Variants in DNAH10 observed in about 807,000 individuals in gnomAD.
DNAH10 encodes axonemal beta dynein heavy chain 10.
Under a neutral mutation model 506.6 loss-of-function variants are expected in DNAH10, and 348 were observed. That is an observed-to-expected ratio of 0.69 (90% CI 0.63 to 0.75). DNAH10 has a LOEUF of 0.75. DNAH10 is among the 30% of genes least tolerant of loss of function. The pLI is 0.00. For synonymous variants in DNAH10, 2,059 were observed against 2,198.6 expected (o/e 0.94, Z 1.78); for missense variants, 5,179 against 5,787.1 (o/e 0.89, Z 3.41).
At chr12:123,825,510 G>T (rs1256114099) in intron 24 of DNAH10, among the ~76,000 whole-genome samples, 1 of 152,208 alleles carries the variant, frequency 6.6e-6, no homozygotes. Flanking sequence ...GCGACTCTCA[G>T]AATCGTCATG....
chr12:123,771,673 A>T lies in DNAH10; in HGVS notation c.371A>T (p.Glu124Val). The change falls in exon 3 of 79, where the codon GAG (glutamate) becomes GTG (valine). Residue 124 changes from glutamate to valine, a missense_variant. By Grantham distance (121) the Glu-to-Val change is moderately radical (BLOSUM62 -2). This residue lies in a region of DNAH10 where 326 missense variants were observed against 330.8 expected (regional missense o/e 0.99). Transcript: ENST00000673944. ...LNREDEEMDK[E>V]ISEKLPSKRT... is the part of the protein sequence containing the mutation. Reference sequence around the variant, plus strand: ...AGAGAGGATGAAGAAATGGACAAAGAGATTTCAGAAAAACTCCCTTCCAAA... The same window carrying T: ...AGAGAGGATGAAGAAATGGACAAAGTGATTTCAGAAAAACTCCCTTCCAAA... 1 of 1,612,756 alleles carries T rather than the reference A, an allele frequency of 6.2e-7. No homozygotes were observed. The highest frequency in any genetic ancestry group is 8.5e-7 in the Non-Finnish European group (1 of 1,179,448).
At chr12:123,780,040 A>G (rs1202077076) in intron 5 of DNAH10, among the ~76,000 whole-genome samples, 2 of 152,236 alleles carry the variant, frequency 1.3e-5, no homozygotes, top group East Asian at 3.9e-4. Context: ...CATTTTGAAG[A>G]AACTATGTCC....
chr12:123,880,339 T>A (rs1003080887), intron 50 of DNAH10, among the ~76,000 whole-genome samples: 2 of 151,992 alleles, frequency 1.3e-5, no homozygotes, highest in Non-Finnish European at 2.9e-5. Flanking sequence ...AAGACATTAT[T>A]TATTTATTTA....
rs535744707 is a variant in DNAH10, at chr12:123,903,030, G to A, written c.9732G>A (p.Thr3244=). 229 of 1,608,030 alleles carry A rather than the reference G, an allele frequency of 1.4e-4. No homozygotes were observed. Among genetic ancestry groups the A allele is most frequent in the East Asian group, 2.9e-4 (13 of 44,602 alleles). Residue 3244 remains threonine, a synonymous_variant, in exon 57 of 79, where the codon ACG becomes ACA. Coordinates refer to ENST00000673944, the MANE Select transcript of DNAH10 (RefSeq NM_001372106.1). The surrounding 1 kb of genome is among the most constrained non-coding windows in gnomAD (Gnocchi z 4.6). Reference sequence around the variant, plus strand: ...CCATGGAGAAGGCCGAGGCCGAGACGACCCTGGCAGAGGTCATGCCCATCC... The same window carrying A: ...CCATGGAGAAGGCCGAGGCCGAGACAACCCTGGCAGAGGTCATGCCCATCC... ...VIAMEKAEAE[T]TLAEVMPILE... is the part of the protein sequence containing the mutation.
chr12:123,795,013 G>C (rs1958223093), intron 12 of DNAH10, among the ~76,000 whole-genome samples: 1 of 151,628 alleles, frequency 6.6e-6, no homozygotes, highest in Non-Finnish European at 1.5e-5. Context: ...GCCAGGCGTG[G>C]TGGTGGTGTC....
chr12:123,880,779 T>A (rs1268837855), intron 50 of DNAH10, among the ~76,000 whole-genome samples: 1 of 150,690 alleles, frequency 6.6e-6, no homozygotes, highest in Non-Finnish European at 1.5e-5. Context: ...TAGGTGTATC[T>A]CCTAATGCTA....
rs1461377781 is a variant in DNAH10, at chr12:123,894,818, T to C, written c.9280+95T>C. The C allele has an allele frequency of 7.8e-6, 9 of 1,153,052 alleles. No homozygotes were observed. In the East Asian group the frequency reaches 2.2e-4, roughly 28 times the overall value. 71.4% of individuals were successfully genotyped at this position (1,153,052 alleles called of 1,614,324 possible). On this transcript the variant is annotated intron_variant, in intron 54 of 78. Transcript: ENST00000673944. ...TTGAATTCTGGTCTTGTAGATTTCTTCACTGGAAAACCCTATGGTAACAAA... is the reference window on the plus strand; with the variant it reads ...TTGAATTCTGGTCTTGTAGATTTCTCCACTGGAAAACCCTATGGTAACAAA...
Position 123,850,880 on chromosome 12 carries a change from C to CA in DNAH10, c.6103-8_6103-7insA, listed in dbSNP as rs747754847. ...CTGCTTCTTTCTTTCTTCCTTCTTG[C>CA]CCTCCAGTTTGAAGGGCAGGAGATT... On this transcript the variant is annotated splice_region_variant and splice_polypyrimidine_tract_variant and intron_variant, in intron 34 of 78. Transcript: ENST00000673944. This position sits in a 1 kb window ranked among gnomAD's most constrained non-coding sequence, Gnocchi z 5.5. 2.5e-6 allele frequency: 4 copies of CA among 1,600,942 alleles called. No individual in the cohort carries two copies. The highest frequency in any genetic ancestry group is 1.7e-6 in the Non-Finnish European group (2 of 1,171,508).
At chr12:123,915,658 C>T (rs966722221) in intron 62 of DNAH10, among the ~76,000 whole-genome samples, 6 of 152,186 alleles carry the variant, frequency 3.9e-5, no homozygotes, top group Non-Finnish European at 5.9e-5. Flanking sequence ...TTTCACTCAG[C>T]CTGATGTTTT....
intron 37 of DNAH10, 92 bp downstream of exon 37, chr12:123,857,339 A>C: frequency 1.7e-6 from 2 of 1,146,412 alleles, no homozygotes; most frequent in Non-Finnish European, 2.4e-6. Context: ...GTACAGTAAA[A>C]TACGCATAAG....
chr12:123,928,782 G>A lies in DNAH10; in HGVS notation c.12306+195G>A. Reference sequence around the variant, plus strand: ...CCGCTGTCCTGGGTTGGGTGTTTGTGACTCCCAGGCCTATCTCTACCAATT... The same window carrying A: ...CCGCTGTCCTGGGTTGGGTGTTTGTAACTCCCAGGCCTATCTCTACCAATT... On this transcript the variant is annotated intron_variant, in intron 70 of 78. Coordinates refer to ENST00000673944, the MANE Select transcript of DNAH10 (RefSeq NM_001372106.1). The surrounding 1 kb of genome is among the most constrained non-coding windows in gnomAD (Gnocchi z 4.9). 6 of 637,722 alleles carry A rather than the reference G, an allele frequency of 9.4e-6. No homozygotes were observed. Among genetic ancestry groups the A allele is most frequent in the Non-Finnish European group, 1.6e-5 (6 of 373,888 alleles). 39.5% of individuals were successfully genotyped at this position (637,722 alleles called of 1,614,324 possible).
At position 123,887,235 on chromosome 12, in the gene DNAH10, G is replaced by A. The variant is rs76586219; in HGVS notation, c.8917G>A (p.Ala2973Thr). The stretch of plus-strand genomic sequence containing the variant: ...TTTGAAACTTGGGATTGAGAACAAA[G>A]CGATGATCTTTCTGTTCACGGATGC... Reference protein sequence around the residue: ...LYLKLGIENKAMIFLFTDAHV... With the variant: ...LYLKLGIENKTMIFLFTDAHV... Residue 2973 changes from alanine to threonine, a missense_variant, in exon 52 of 79, where the codon GCG becomes ACG. Transcript: ENST00000673944. The A allele has an allele frequency of 5.1e-3, 8,184 of 1,613,950 alleles. 311 individuals carry two copies. In the African/African-American group the frequency reaches 0.086, roughly 17 times the overall value.
In DNAH10 at chr12:123,926,458, C is replaced by G; in HGVS notation, c.11922-179C>G. On this transcript the variant is annotated intron_variant, in intron 68 of 78. Transcript: ENST00000673944. This position sits in a 1 kb window ranked among gnomAD's most constrained non-coding sequence, Gnocchi z 4.1. ...TCCCTGCCACTCAGGAGTTCCCCATCAGGGTGGGAGACGTGCATAGAAACT... is the reference window on the plus strand; with the variant it reads ...TCCCTGCCACTCAGGAGTTCCCCATGAGGGTGGGAGACGTGCATAGAAACT... The G allele has an allele frequency of 1.6e-6, 1 of 621,026 alleles. No homozygotes were observed. The highest frequency in any genetic ancestry group is 2.6e-5 in the South Asian group (1 of 38,526). 38.5% of individuals were successfully genotyped at this position (621,026 alleles called of 1,614,324 possible).
intron 45 of DNAH10, 117 bp downstream of exon 45, chr12:123,871,719 G>C: frequency 8.0e-7 from 1 of 1,246,354 alleles, no homozygotes. Context: ...GAATGTGGGA[G>C]TGACTTACCT....
intron 24 of DNAH10, among the ~76,000 whole-genome samples, chr12:123,824,605 C>A (rs1382033769): frequency 6.6e-6 from 1 of 152,098 alleles, no homozygotes; most frequent in Non-Finnish European, 1.5e-5. Flanking sequence ...GCCAGGAGTG[C>A]AAAATCAAGG....
chr12:123,851,014 G>A lies in DNAH10; in HGVS notation c.6229G>A (p.Val2077Met), dbSNP rs1459777288. The A allele has an allele frequency of 3.1e-6, 5 of 1,613,674 alleles. No homozygotes were observed. The highest frequency in any genetic ancestry group is 1.3e-5 in the African/African-American group (1 of 75,052). ...KALFRPVVVI[V>M]PDLQQICEIM... The stretch of plus-strand genomic sequence containing the variant: ...GCTGTTCAGGCCTGTGGTCGTGATC[G>A]TGCCCGACCTGCAGCAGATCTGTGA... Residue 2077 changes from valine to methionine, a missense_variant, in exon 35 of 79, where the codon GTG becomes ATG. By Grantham distance (21) the Val-to-Met change is conservative. This residue lies in a region of DNAH10 where 4,844 missense variants were observed against 5,430.5 expected (regional missense o/e 0.89). Coordinates refer to ENST00000673944, the MANE Select transcript of DNAH10 (RefSeq NM_001372106.1).
intron 28 of DNAH10, among the ~76,000 whole-genome samples, chr12:123,836,732 A>G (rs530092033): frequency 3.3e-5 from 5 of 152,190 alleles, no homozygotes; most frequent in Non-Finnish European, 7.3e-5. Flanking sequence ...ATTGTACAAC[A>G]CATATCAGGC....
chr12:123,803,026 G>A (rs1389145234), intron 16 of DNAH10, among the ~76,000 whole-genome samples: 2 of 152,116 alleles, frequency 1.3e-5, no homozygotes, highest in African/African-American at 2.4e-5. Context: ...TCTGTCGCTT[G>A]TCTTTTCTTT....
chr12:123,872,861 T>G (rs1952090839), intron 45 of DNAH10, among the ~76,000 whole-genome samples: 1 of 152,176 alleles, frequency 6.6e-6, no homozygotes, highest in Non-Finnish European at 1.5e-5. Context: ...TTGGAAACTC[T>G]GGGGAATGGA....
Sources: gnomAD v4.1 joint callset for allele counts (sites outside exome capture counted in the v4.1 genomes callset) on GRCh38, gnomAD v4.1.1 for gene constraint, gnomAD v4.1.1 regional missense constraint, Gnocchi (gnomAD v3.1) non-coding constraint, MANE v1.5 for transcripts, NCBI Gene and HGNC (gene_info 2026-07-23, HGNC 2026-07-21) for gene names.